The following QTMAN variants were observed in gnomAD, a reference collection of about 807,000 sequenced individuals.
QTMAN encodes the protein queuosine-tRNA mannosyltransferase.
chr2:144,077,244 T>C, the QTMAN span, among the ~76,000 whole-genome samples: 9 of 152,226 alleles, frequency 5.9e-5, no homozygotes, highest in African/African-American at 1.4e-4. Context: ...TGAAAAAATA[T>C]AGGTCAGAAA....
chr2:144,153,432 G>A, the QTMAN span, among the ~76,000 whole-genome samples: 1 of 152,156 alleles, frequency 6.6e-6, no homozygotes, highest in East Asian at 1.9e-4. Context: ...CCTTTAGGCT[G>A]GGCACGGTGG....
chr2:144,249,321 C>T, the QTMAN span, among the ~76,000 whole-genome samples: 1 of 152,188 alleles, frequency 6.6e-6, no homozygotes. Context: ...AAAGATTCTA[C>T]TATCCCATCC....
At chr2:144,313,647 T>C in the QTMAN span, among the ~76,000 whole-genome samples, 2 of 152,232 alleles carry the variant, frequency 1.3e-5, no homozygotes, top group South Asian at 2.1e-4. Flanking sequence ...ATGTCCACAT[T>C]AGAATTTAGA....
At chr2:144,242,627 G>A in the QTMAN span, among the ~76,000 whole-genome samples, 7 of 152,086 alleles carry the variant, frequency 4.6e-5, no homozygotes, top group South Asian at 2.1e-4. Flanking sequence ...TGAAATTCCC[G>A]AAAGTCAATG....
At chr2:144,293,343 C>T in the QTMAN span, among the ~76,000 whole-genome samples, 1 of 152,174 alleles carries the variant, frequency 6.6e-6, no homozygotes, top group African/African-American at 2.4e-5. Context: ...GTAAATAGTA[C>T]CTGCTTCCTT....
the QTMAN span, among the ~76,000 whole-genome samples, chr2:144,146,597 G>C: frequency 1.3e-5 from 2 of 151,684 alleles, no homozygotes; most frequent in Non-Finnish European, 2.9e-5. Context: ...GCCTGTAATA[G>C]AGACATACAC....
the QTMAN span, among the ~76,000 whole-genome samples, chr2:144,266,461 A>G: frequency 6.6e-6 from 1 of 152,190 alleles, no homozygotes; most frequent in Non-Finnish European, 1.5e-5. Flanking sequence ...TTCTTTACCT[A>G]TAGATACAAC....
At chr2:144,112,270 T>C in the QTMAN span, among the ~76,000 whole-genome samples, 2 of 152,340 alleles carry the variant, frequency 1.3e-5, no homozygotes, top group East Asian at 3.8e-4. Flanking sequence ...TGTACTTGTC[T>C]CTCTTTCTCC....
At chr2:144,148,620 C>T in the QTMAN span, among the ~76,000 whole-genome samples, 1 of 151,782 alleles carries the variant, frequency 6.6e-6, no homozygotes, top group East Asian at 1.9e-4. Context: ...TCAGGGTGGA[C>T]TATCTATAGC....
chr2:144,208,988 TTAA>T, the QTMAN span, among the ~76,000 whole-genome samples: 2 of 152,238 alleles, frequency 1.3e-5, no homozygotes, highest in African/African-American at 4.8e-5. Context: ...ATCATTTGTG[TTAA>T]TAAGAAGAAA....
chr2:144,238,114 T>C, the QTMAN span, among the ~76,000 whole-genome samples: 18 of 152,214 alleles, frequency 1.2e-4, 1 homozygote, highest in African/African-American at 4.8e-5. Context: ...GCACTCTAAC[T>C]TCCTGTATTC....
the QTMAN span, among the ~76,000 whole-genome samples, chr2:144,085,473 AT>A: frequency 7.9e-5 from 12 of 152,178 alleles, no homozygotes; most frequent in African/African-American, 2.9e-4. Context: ...GTGAGCTTTT[AT>A]TTTGACCTTC....
chr2:144,070,244 T>C, the QTMAN span, among the ~76,000 whole-genome samples: 2 of 152,146 alleles, frequency 1.3e-5, no homozygotes, highest in Non-Finnish European at 2.9e-5. Context: ...GCACTCTACA[T>C]ATTCTTACAA....
At chr2:143,988,698 G>A in the QTMAN span, among the ~76,000 whole-genome samples, 9 of 152,302 alleles carry the variant, frequency 5.9e-5, no homozygotes, top group Non-Finnish European at 1.2e-4. Context: ...GGTAAAGGAC[G>A]GAACTGGGAT....
the QTMAN span, among the ~76,000 whole-genome samples, chr2:144,274,890 G>A: frequency 6.6e-6 from 1 of 152,094 alleles, no homozygotes; most frequent in Non-Finnish European, 1.5e-5. Flanking sequence ...GGCATCTGAA[G>A]GTGGGTTGTA....
At chr2:144,235,615 C>A in the QTMAN span, 124 of 152,580 alleles carry the variant, frequency 8.1e-4, no homozygotes, top group African/African-American at 2.8e-3. Flanking sequence ...ATAGAAAATG[C>A]CCGCATATTG....
At chr2:144,148,034 G>A in the QTMAN span, among the ~76,000 whole-genome samples, 3 of 151,778 alleles carry the variant, frequency 2.0e-5, no homozygotes, top group African/African-American at 7.2e-5. Flanking sequence ...ATCCTTTAGT[G>A]GACACTGGAA....
chr2:143,967,171 A>G, the QTMAN span, among the ~76,000 whole-genome samples: 11 of 152,350 alleles, frequency 7.2e-5, no homozygotes, highest in East Asian at 2.1e-3. Context: ...TGAGCATTAC[A>G]TAAAATAATC....
the QTMAN span, among the ~76,000 whole-genome samples, chr2:144,241,700 T>G: frequency 6.6e-6 from 1 of 152,224 alleles, no homozygotes; most frequent in African/African-American, 2.4e-5. Flanking sequence ...TGTCCATCTT[T>G]CTTTCTGTCT....
Sources: allele counts gnomAD v4.1 joint callset (sites outside exome capture counted in the v4.1 genomes callset), GRCh38; gene constraint gnomAD v4.1.1; transcripts MANE v1.5; gene names NCBI Gene and HGNC (gene_info 2026-07-23, HGNC 2026-07-21).